The following FBXL13 variants were observed in gnomAD, a reference collection of about 807,000 sequenced individuals.
FBXL13 encodes F-box and leucine-rich repeat protein 13.
Under a neutral mutation model 83.6 loss-of-function variants are expected in FBXL13, and 67 were observed. That is an observed-to-expected ratio of 0.80 (90% CI 0.66 to 0.98). The LOEUF (loss-of-function observed/expected upper bound fraction) is 0.98, where lower values mean the gene tolerates loss of function less well. Among genes scored for constraint, FBXL13 ranks in the 50% least tolerant of loss-of-function variants. The pLI is 0.00. For missense variants in FBXL13, 822 were observed against 866.5 expected (o/e 0.95, Z 0.64); for synonymous variants, 272 against 299.5 (o/e 0.91, Z 0.95).
intron 11 of FBXL13, among the ~76,000 whole-genome samples, chr7:102,893,969 A>AGAAAGAAAGAAAGAG (rs1370084987): frequency 2.8e-5 from 4 of 145,396 alleles, no homozygotes; most frequent in South Asian, 2.1e-4. Context: ...AAAGAGAGAA[A>AGAAAGAAAGAAAGAG]GAAAGAAAGA....
chr7:102,844,188 C>A (rs1803526252), intron 17 of FBXL13, among the ~76,000 whole-genome samples: 1 of 152,126 alleles, frequency 6.6e-6, no homozygotes, highest in Non-Finnish European at 1.5e-5. Context: ...GTTAGAGATA[C>A]TTTTTTATAA....
intron 6 of FBXL13, among the ~76,000 whole-genome samples, chr7:103,011,654 G>C (rs893754957): frequency 3.5e-5 from 5 of 143,846 alleles, no homozygotes; most frequent in African/African-American, 1.0e-4. Context: ...AAAAAAAAAA[G>C]AAACAAACAA....
At chr7:102,934,057 C>A in intron 8 of FBXL13, 2 of 1,614,166 alleles carry the variant, frequency 1.2e-6, no homozygotes, top group Non-Finnish European at 1.7e-6. Flanking sequence ...TCAAACGCTA[C>A]GCACCAGGCC....
chr7:102,948,690 G>A (rs987036286), intron 8 of FBXL13, among the ~76,000 whole-genome samples: 1 of 150,548 alleles, frequency 6.6e-6, no homozygotes, highest in African/African-American at 2.4e-5. Flanking sequence ...CCAAAGTGCT[G>A]GGATTACAGG....
intron 16 of FBXL13, among the ~76,000 whole-genome samples, chr7:102,863,821 G>C (rs1807231121): frequency 6.6e-6 from 1 of 152,082 alleles, no homozygotes; most frequent in Non-Finnish European, 1.5e-5. Flanking sequence ...GCACCACCAT[G>C]TTCACAACTG....
intron 11 of FBXL13, among the ~76,000 whole-genome samples, chr7:102,894,718 G>T (rs894182363): frequency 7.0e-6 from 1 of 143,028 alleles, no homozygotes; most frequent in African/African-American, 2.6e-5. Context: ...CACAGAGAAA[G>T]ACTTTGTCTC....
intron 6 of FBXL13, among the ~76,000 whole-genome samples, chr7:102,978,848 A>C (rs1184887273): frequency 6.6e-6 from 1 of 152,240 alleles, no homozygotes. Flanking sequence ...CAAGCATCTA[A>C]TAACAAAGCC....
chr7:103,020,453 T>C (rs571170426), intron 6 of FBXL13, among the ~76,000 whole-genome samples: 4 of 152,272 alleles, frequency 2.6e-5, no homozygotes, highest in African/African-American at 4.8e-5. Flanking sequence ...CGATTCAACA[T>C]AGCGTTGGAA....
At chr7:102,900,467 A>G (rs1199205155) in intron 11 of FBXL13, among the ~76,000 whole-genome samples, 1 of 152,240 alleles carries the variant, frequency 6.6e-6, no homozygotes. Context: ...CAAATTTATA[A>G]AAAGAAAATA....
chr7:102,947,240 A>C (rs559725554), intron 8 of FBXL13, among the ~76,000 whole-genome samples: 1 of 152,342 alleles, frequency 6.6e-6, no homozygotes, highest in Non-Finnish European at 1.5e-5. Flanking sequence ...CTGGTGTGAC[A>C]ACAGAATCAC....
intron 8 of FBXL13, chr7:102,942,345 A>T (rs370294203): frequency 1.4e-5 from 22 of 1,574,416 alleles, no homozygotes; most frequent in Admixed American, 1.9e-5. Context: ...TTGCTGTGGT[A>T]AGTATACAAA....
At chr7:102,882,890 T>G (rs1563038997) in intron 14 of FBXL13, among the ~76,000 whole-genome samples, 1 of 152,172 alleles carries the variant, frequency 6.6e-6, no homozygotes, top group Non-Finnish European at 1.5e-5. Flanking sequence ...TCTGTCCATT[T>G]GTCAGAAATT....
intron 6 of FBXL13, among the ~76,000 whole-genome samples, chr7:102,996,541 A>T (rs1789808999): frequency 6.6e-6 from 1 of 152,210 alleles, no homozygotes; most frequent in Non-Finnish European, 1.5e-5. Context: ...ACATTCAGTG[A>T]GACAGACTAT....
intron 15 of FBXL13, 97 bp from the exon 17 acceptor site, chr7:102,877,690 T>G: frequency 3.1e-6 from 4 of 1,272,056 alleles, no homozygotes; most frequent in Non-Finnish European, 4.3e-6. Flanking sequence ...CAAATGGTAT[T>G]GAAGCAAAGA....
At chr7:103,041,593 A>G (rs1795705696) in intron 2 of FBXL13, among the ~76,000 whole-genome samples, 2 of 152,198 alleles carry the variant, frequency 1.3e-5, no homozygotes, top group Admixed American at 1.3e-4. Flanking sequence ...GGAAAACTGA[A>G]TCCAGCAGCA....
chr7:103,006,330 C>A (rs112687071), intron 6 of FBXL13, among the ~76,000 whole-genome samples: 1 of 152,174 alleles, frequency 6.6e-6, no homozygotes, highest in African/African-American at 2.4e-5. Flanking sequence ...CAGAGTGAGA[C>A]ACCATGAAGC....
chr7:103,045,251 C>T (rs559032567), intron 2 of FBXL13, among the ~76,000 whole-genome samples: 2 of 152,290 alleles, frequency 1.3e-5, no homozygotes, highest in East Asian at 3.9e-4. Flanking sequence ...TGGGATTGGC[C>T]AAGACTCAGC....
Position 103,055,629 on chromosome 7 carries a change from C to G in FBXL13, c.-1+15G>C. On this transcript the variant is annotated intron_variant, in intron 2 of 19. Transcript: ENST00000313221. ...AATAAAATATTTCCCTATCAAAAAT[C>G]AAAACAATACTTACCAAAGAAGATT... 8.7e-7 allele frequency: 1 copy of G among 1,151,056 alleles called. No individual in the cohort carries two copies. Among genetic ancestry groups the G allele is most frequent in the Non-Finnish European group, 1.1e-6 (1 of 884,900 alleles). 71.3% of individuals were successfully genotyped at this position (1,151,056 alleles called of 1,614,324 possible). A position where few individuals can be genotyped will look rare whatever the true frequency, so the allele number is the denominator to read the frequency against.
chr7:103,061,371 T>C (rs1453372049), intron 1 of FBXL13, among the ~76,000 whole-genome samples: 1 of 152,102 alleles, frequency 6.6e-6, no homozygotes, highest in African/African-American at 2.4e-5. Context: ...AAAATTGTTA[T>C]TGGAAAATTA....
Sources: gnomAD v4.1 joint callset for allele counts (sites outside exome capture counted in the v4.1 genomes callset) on GRCh38, gnomAD v4.1.1 for gene constraint, MANE v1.5 for transcripts, NCBI Gene and HGNC (gene_info 2026-07-23, HGNC 2026-07-21) for gene names.